CUL3: variants seen among roughly 807,000 people sequenced by gnomAD.
CUL3 encodes the protein cullin-3.
Under a neutral mutation model 89.1 loss-of-function variants are expected in CUL3, and 19 were observed. The ratio of observed to expected loss-of-function variants is 0.21; its 90% CI spans 0.15 to 0.31. The LOEUF (loss-of-function observed/expected upper bound fraction) is 0.31. Ranked by LOEUF, CUL3 falls within the 10% of genes least tolerant of loss-of-function variation. The pLI is 1.00. For synonymous variants in CUL3, 351 were observed against 308.4 expected (o/e 1.14, Z -1.45); for missense variants, 469 against 942.3 (o/e 0.50, Z 6.58).
At chr2:224,475,394 A>T (rs186837806) in intron 15 of CUL3, among the ~76,000 whole-genome samples, 7 of 152,344 alleles carry the variant, frequency 4.6e-5, no homozygotes, top group Non-Finnish European at 7.3e-5. Flanking sequence ...AAGAAAACTG[A>T]CATCAACAAG....
intron 2 of CUL3, among the ~76,000 whole-genome samples, chr2:224,550,440 G>C (rs1378074113): frequency 2.0e-5 from 3 of 152,112 alleles, no homozygotes; most frequent in African/African-American, 7.2e-5. Context: ...TTTTGGATTA[G>C]GGATGTTCAA....
chr2:224,488,652 G>C (rs1225127263), intron 13 of CUL3, among the ~76,000 whole-genome samples: 1 of 152,116 alleles, frequency 6.6e-6, no homozygotes, highest in Non-Finnish European at 1.5e-5. Flanking sequence ...CCCAGGATCA[G>C]ACGGATTCAC....
chr2:224,584,349 G>A (rs966840744), intron 1 of CUL3, among the ~76,000 whole-genome samples: 25 of 152,142 alleles, frequency 1.6e-4, no homozygotes, highest in Admixed American at 4.6e-4. Flanking sequence ...TGCTTAGGAA[G>A]CTTGTAGGAT....
At position 224,474,334 on chromosome 2, in the gene CUL3, C is replaced by T. The variant is rs2106133562; in HGVS notation, c.2218G>A (p.Val740Ile). ...LKARFLPSPV[V>I]IKKRIEGLIE... The stretch of plus-strand genomic sequence containing the variant: ...AGTCCTTCAATACGTTTCTTAATAA[C>T]AACTGGACTTGGTAAGAATCGCGCC... The change falls in exon 16 of 16, where the codon GTT (valine) becomes ATT (isoleucine). Residue 740 changes from valine to isoleucine, a missense_variant. Physicochemically the swap from Val to Ile is conservative, Grantham distance 29. Coordinates refer to ENST00000264414, the MANE Select transcript of CUL3 (RefSeq NM_003590.5). 1 of 1,613,860 alleles carries T rather than the reference C, an allele frequency of 6.2e-7. No individual in the cohort carries two copies. Among genetic ancestry groups the T allele is most frequent in the South Asian group, 1.1e-5 (1 of 91,050 alleles).
intron 1 of CUL3, among the ~76,000 whole-genome samples, chr2:224,572,630 GAAAAA>G (rs67105454): frequency 1.2e-5 from 1 of 86,296 alleles, no homozygotes; most frequent in Admixed American, 1.3e-4. Flanking sequence ...GAGAGTGAGA[GAAAAA>G]AAAAAAAAAA....
At chr2:224,476,522 G>A (rs994727526) in intron 15 of CUL3, among the ~76,000 whole-genome samples, 3 of 151,986 alleles carry the variant, frequency 2.0e-5, no homozygotes, top group Non-Finnish European at 4.4e-5. Context: ...AGCTCATATC[G>A]GGTTTCACAT....
At chr2:224,513,276 C>T (rs1328576148) in intron 5 of CUL3, among the ~76,000 whole-genome samples, 1 of 152,150 alleles carries the variant, frequency 6.6e-6, no homozygotes, top group Non-Finnish European at 1.5e-5. Flanking sequence ...ATGCCCCACA[C>T]TGTTCAAGGG....
intron 13 of CUL3, among the ~76,000 whole-genome samples, chr2:224,482,772 T>TCA (rs1691580371): frequency 6.6e-6 from 1 of 152,192 alleles, no homozygotes. Flanking sequence ...CACTATTCTG[T>TCA]CAGTGGGACA....
At chr2:224,544,561 T>A (rs1694233302) in intron 2 of CUL3, among the ~76,000 whole-genome samples, 1 of 152,016 alleles carries the variant, frequency 6.6e-6, no homozygotes, top group African/African-American at 2.4e-5. Context: ...AAATTTCCAC[T>A]TAAAACATAC....
intron 10 of CUL3, among the ~76,000 whole-genome samples, chr2:224,502,146 G>A (rs920576441): frequency 2.0e-5 from 3 of 152,230 alleles, no homozygotes; most frequent in Non-Finnish European, 4.4e-5. Context: ...ACAGAATTAC[G>A]TATTTTCACG....
chr2:224,537,313 G>C (rs781298117), intron 2 of CUL3, among the ~76,000 whole-genome samples: 1 of 152,158 alleles, frequency 6.6e-6, no homozygotes, highest in Non-Finnish European at 1.5e-5. Context: ...TAGATTTAAT[G>C]ATGAGACAAT....
chr2:224,525,072 C>T (rs7571953), intron 3 of CUL3, among the ~76,000 whole-genome samples: 28,624 of 144,462 alleles, frequency 0.2, 3,045 homozygotes, highest in South Asian at 0.28. Flanking sequence ...AAAAAAAAAA[C>T]AGGACAGTAA....
rs1559346803 is a variant in CUL3, at chr2:224,497,737, A to G, written c.1707+16T>C. On this transcript the variant is annotated intron_variant, in intron 12 of 15. Coordinates refer to ENST00000264414, the MANE Select transcript of CUL3 (RefSeq NM_003590.5). ...AACTTTAAGTTACTTAATACGTTCAAACTATCAATATTTACCTTTTTAACT... is the reference window on the plus strand; with the variant it reads ...AACTTTAAGTTACTTAATACGTTCAGACTATCAATATTTACCTTTTTAACT... 2 of 1,584,786 alleles carry G rather than the reference A, an allele frequency of 1.3e-6. No individual in the cohort carries two copies. Among genetic ancestry groups the G allele is most frequent in the Non-Finnish European group, 1.7e-6 (2 of 1,153,654 alleles).
rs1206409506 is a variant in CUL3 at position 224,470,351 on chromosome 2, A to C, written c.*3894T>G. The C allele has an allele frequency of 4.4e-6, 1 of 228,562 alleles. No individual in the cohort carries two copies. The highest frequency in any genetic ancestry group is 8.7e-6 in the Non-Finnish European group (1 of 115,248). 14.2% of individuals were successfully genotyped at this position (228,562 alleles called of 1,614,324 possible). A position where few individuals can be genotyped will look rare whatever the true frequency, so the allele number is the denominator to read the frequency against. On this transcript the variant is annotated 3_prime_UTR_variant, in exon 16 of 16. Coordinates refer to ENST00000264414, the MANE Select transcript of CUL3 (RefSeq NM_003590.5). ...CTCACTCGAGGTCAACTTAGACCCT[A>C]AAACTGAGCATCAAATTACTTAAAT...
At chr2:224,536,968 A>T (rs946852928) in intron 2 of CUL3, among the ~76,000 whole-genome samples, 4 of 152,318 alleles carry the variant, frequency 2.6e-5, no homozygotes, top group Admixed American at 6.5e-5. Flanking sequence ...TAATCCAGCT[A>T]AACTCTCAAT....
chr2:224,489,178 T>C (rs560283006), intron 13 of CUL3, among the ~76,000 whole-genome samples: 4 of 152,330 alleles, frequency 2.6e-5, no homozygotes, highest in South Asian at 4.1e-4. Flanking sequence ...GCTGGAAGCA[T>C]TCCCTTTGAA....
intron 13 of CUL3, among the ~76,000 whole-genome samples, chr2:224,488,097 AG>A (rs1691809909): frequency 6.6e-6 from 1 of 152,254 alleles, no homozygotes; most frequent in South Asian, 2.1e-4. Context: ...CGGCTAAAGC[AG>A]TGTGTAGAGG....
chr2:224,524,779 C>T (rs555617491), intron 3 of CUL3, among the ~76,000 whole-genome samples: 9 of 152,038 alleles, frequency 5.9e-5, no homozygotes, highest in African/African-American at 1.9e-4. Flanking sequence ...CATGCTTGCC[C>T]GTTTCCCCCA....
At chr2:224,500,200 T>C in intron 11 of CUL3, 163 bp downstream of exon 11, 1 of 717,262 alleles carries the variant, frequency 1.4e-6, no homozygotes, top group Non-Finnish European at 2.3e-6. Flanking sequence ...ATCAAGATCC[T>C]ATAGAGGGGG....
Sources: gnomAD v4.1 joint callset for allele counts (sites outside exome capture counted in the v4.1 genomes callset) on GRCh38, gnomAD v4.1.1 for gene constraint, MANE v1.5 for transcripts, NCBI Gene and HGNC (gene_info 2026-07-23, HGNC 2026-07-21) for gene names.